The following DNAH5 variants were observed in gnomAD, a reference collection of about 807,000 sequenced individuals.
DNAH5 encodes dynein axonemal heavy chain 5, also known as axonemal beta dynein heavy chain 5.
Under a neutral mutation model 518.2 loss-of-function variants are expected in DNAH5, and 372 were observed. The observed-to-expected ratio is 0.72, with a 90% CI of 0.66 to 0.78. The LOEUF is 0.78. Among genes scored for constraint, DNAH5 ranks in the 30% least tolerant of loss-of-function variants. The pLI is 0.00. For missense variants in DNAH5, 5,523 were observed against 5,687.0 expected, an observed-to-expected ratio of 0.97 and a Z score of 0.93; for synonymous variants, 2,039 against 2,025.9, an observed-to-expected ratio of 1.01 and a Z score of -0.17.
At chr5:13,979,698 A>G (rs1782529545) in intron 1 of DNAH5, among the ~76,000 whole-genome samples, 1 of 152,170 alleles carries the variant, frequency 6.6e-6, no homozygotes, top group African/African-American at 2.4e-5. Flanking sequence ...GGCACTAAGA[A>G]CTTCACGTGG....
intron 29 of DNAH5, among the ~76,000 whole-genome samples, chr5:13,862,012 TA>T (rs1277708661): frequency 9.6e-6 from 1 of 104,222 alleles, no homozygotes; most frequent in African/African-American, 3.5e-5. Context: ...TGTACAAATA[TA>T]AAAAATAGAG....
intron 1 of DNAH5, among the ~76,000 whole-genome samples, chr5:13,967,428 T>G (rs1781599012): frequency 6.6e-6 from 1 of 152,198 alleles, no homozygotes; most frequent in Non-Finnish European, 1.5e-5. Flanking sequence ...ATTTGTTGAA[T>G]AGGGTGCTCT....
At chr5:13,990,423 G>A (rs1783447479) in intron 1 of DNAH5, among the ~76,000 whole-genome samples, 1 of 151,876 alleles carries the variant, frequency 6.6e-6, no homozygotes, top group African/African-American at 2.4e-5. Context: ...CGTGGTGGCG[G>A]GCGCCTATAG....
chr5:13,981,595 CA>C (rs1782676797), intron 1 of DNAH5, among the ~76,000 whole-genome samples: 1 of 152,184 alleles, frequency 6.6e-6, no homozygotes, highest in Non-Finnish European at 1.5e-5. Context: ...ATCTTCCAAG[CA>C]GTTGCTGTCT....
At chr5:13,734,030 C>G (rs1450551441) in intron 68 of DNAH5, among the ~76,000 whole-genome samples, 2 of 152,012 alleles carry the variant, frequency 1.3e-5, no homozygotes, top group African/African-American at 4.8e-5. Flanking sequence ...TGTTGAAACC[C>G]TATATCTCAA....
At chr5:13,791,913 T>TA (rs1252383196) in intron 50 of DNAH5, 81 bp downstream of exon 50, 12 of 1,254,400 alleles carry the variant, frequency 9.6e-6, no homozygotes, top group African/African-American at 3.0e-5. Context: ...ACAGTTCAAG[T>TA]AAAAAATAAA....
chr5:13,752,768 T>C (rs1580064262), intron 63 of DNAH5, among the ~76,000 whole-genome samples: 1 of 152,232 alleles, frequency 6.6e-6, no homozygotes, highest in East Asian at 1.9e-4. Context: ...CCACACTTGG[T>C]GAAATTGTAA....
chr5:13,712,603 C>T (rs372332805), intron 75 of DNAH5, among the ~76,000 whole-genome samples: 36 of 152,134 alleles, frequency 2.4e-4, no homozygotes, highest in Non-Finnish European at 1.5e-4. Flanking sequence ...AGAATCACAA[C>T]GAACTCAAAC....
intron 1 of DNAH5, among the ~76,000 whole-genome samples, chr5:13,954,656 T>A (rs912610385): frequency 6.6e-6 from 1 of 152,218 alleles, no homozygotes; most frequent in African/African-American, 2.4e-5. Context: ...GCTTCTCCAC[T>A]TTCTTCCTCC....
chr5:13,866,028 G>A (rs897049648), intron 26 of DNAH5, 122 bp from the exon 27 acceptor site: 1 of 880,884 alleles, frequency 1.1e-6, no homozygotes, highest in Non-Finnish European at 1.8e-6. Context: ...CATGTAAATA[G>A]GAATACTAAG....
At chr5:13,844,073 T>C (rs1013247805) in intron 32 of DNAH5, among the ~76,000 whole-genome samples, 10 of 152,126 alleles carry the variant, frequency 6.6e-5, no homozygotes, top group Admixed American at 2.0e-4. Flanking sequence ...GCTCTAACAC[T>C]CCCTAACTGG....
intron 55 of DNAH5, among the ~76,000 whole-genome samples, chr5:13,773,278 T>C (rs1198561873): frequency 1.3e-5 from 2 of 152,150 alleles, no homozygotes; most frequent in Non-Finnish European, 1.5e-5. Flanking sequence ...GTTATAGATA[T>C]AGGAGGTCCA....
chr5:13,922,081 T>C, intron 5 of DNAH5, 26 bp downstream of exon 5: 1 of 1,611,298 alleles, frequency 6.2e-7, no homozygotes, highest in Non-Finnish European at 8.5e-7. Context: ...TGATCATTTT[T>C]AAAGGAACAG....
At chr5:13,920,445 G>A (rs138473340) in intron 6 of DNAH5, 35 bp downstream of exon 6, 21 of 1,613,192 alleles carry the variant, frequency 1.3e-5, no homozygotes, top group East Asian at 2.2e-5. Context: ...CAGTAATGTG[G>A]CACCTGAAAT....
chr5:13,851,027 C>G (rs1002398933), intron 30 of DNAH5, among the ~76,000 whole-genome samples: 1 of 152,154 alleles, frequency 6.6e-6, no homozygotes, highest in Non-Finnish European at 1.5e-5. Context: ...CTTAGCTCAA[C>G]CTTGGTACTC....
Position 13,906,892 on chromosome 5 carries a change from A to T in DNAH5, c.1644+4494T>A, listed in dbSNP as rs147059138. Among the ~76,000 whole-genome samples the T allele has an allele frequency of 3.5e-3, 525 of 148,762 alleles. 5 individuals are homozygous for T. Among genetic ancestry groups the T allele is most frequent in the African/African-American group, 0.012 (496 of 41,176 alleles). On this transcript the variant is annotated intron_variant, in intron 12 of 78. Transcript: ENST00000265104. ...TAAAGAGAAAAAGAAAAGAAATGGA[A>T]ATTAATGAGCTAAGCTGTCAGTTGA...
chr5:13,695,426 T>C (rs1261662961), intron 78 of DNAH5, among the ~76,000 whole-genome samples: 2 of 152,192 alleles, frequency 1.3e-5, no homozygotes, highest in African/African-American at 4.8e-5. Flanking sequence ...AGGACTTCGA[T>C]ATTCAAGGGA....
In DNAH5 at chr5:13,691,756, T is replaced by G; in HGVS notation, c.*228A>C. On this transcript the variant is annotated 3_prime_UTR_variant, in exon 79 of 79. Coordinates refer to ENST00000265104, the MANE Select transcript of DNAH5 (RefSeq NM_001369.3). ...CCACACTTCATTAGGATGCTGTAAA[T>G]TTACTTTTATATCACTAAATAACAT... 1 of 557,050 alleles carries G rather than the reference T, an allele frequency of 1.8e-6. No individual in the cohort carries two copies. The highest frequency in any genetic ancestry group is 3.2e-6 in the Non-Finnish European group (1 of 315,908). The allele number at this position is 557,050 out of a possible 1,614,324, so 34.5% of individuals were successfully genotyped here.
intron 65 of DNAH5, 112 bp downstream of exon 65, chr5:13,750,966 G>C (rs1237008164): frequency 5.7e-5 from 68 of 1,195,008 alleles, no homozygotes; most frequent in Non-Finnish European, 8.2e-5. Flanking sequence ...AAAAAACACA[G>C]GGAATAAAAG....
Sources: gnomAD v4.1 joint callset for allele counts (sites outside exome capture counted in the v4.1 genomes callset) on GRCh38, gnomAD v4.1.1 for gene constraint, MANE v1.5 for transcripts, NCBI Gene and HGNC (gene_info 2026-07-23, HGNC 2026-07-21) for gene names.